Variants in SLC22A23 observed in about 807,000 individuals in gnomAD.
SLC22A23 encodes the protein solute carrier family 22 member 23.
A neutral mutation model predicts 61.0 loss-of-function variants in SLC22A23; 26 were observed. The observed-to-expected ratio is 0.43, with a 90% CI of 0.31 to 0.59. The LOEUF is 0.59. Among genes scored for constraint, SLC22A23 ranks in the 20% least tolerant of loss-of-function variants. The probability of loss-of-function intolerance (pLI) is 0.11; values close to 1 mark genes in which losing one functional copy is unlikely to be tolerated. For missense variants in SLC22A23, 796 were observed against 934.7 expected, an observed-to-expected ratio of 0.85 and a Z score of 1.94; for synonymous variants, 430 against 413.9, an observed-to-expected ratio of 1.04 and a Z score of -0.47.
At chr6:3,415,928 A>T in intron 1 of SLC22A23, 73 bp from the exon 2 acceptor site, 1 of 1,136,762 alleles carries the variant, frequency 8.8e-7, no homozygotes, top group Non-Finnish European at 1.3e-6. Flanking sequence ...TTATAAGGGC[A>T]ATACAATAAC....
chr6:3,441,052 C>T (rs1771560492), intron 1 of SLC22A23, among the ~76,000 whole-genome samples: 1 of 152,214 alleles, frequency 6.6e-6, no homozygotes, highest in African/African-American at 2.4e-5. Flanking sequence ...GAGGCAGGAG[C>T]ACTGGGCACT....
chr6:3,429,500 G>T (rs550779302), intron 1 of SLC22A23, among the ~76,000 whole-genome samples: 309 of 143,220 alleles, frequency 2.2e-3, no homozygotes, highest in Non-Finnish European at 3.6e-3. Context: ...AGCCCAAGCC[G>T]ATTAGGAAGT....
In SLC22A23 at chr6:3,322,160, G is replaced by A. The variant is rs1265796053; in HGVS notation, c.1082+1674C>T. ...TCTGACGTGAGTCAGCGGGGGTCAG[G>A]GGACCGCGGTTCTGTCCTCTATAGG... On this transcript the variant is annotated intron_variant, in intron 4 of 9. Coordinates refer to ENST00000406686, the MANE Select transcript of SLC22A23 (RefSeq NM_015482.2). This position sits in a 1 kb window ranked among gnomAD's most constrained non-coding sequence, Gnocchi z 4.1. 6.6e-6 allele frequency among the ~76,000 whole-genome samples: 1 copy of A among 152,102 alleles called. No individual in the cohort carries two copies.
At chr6:3,283,277 TA>T (rs1759647320) in intron 9 of SLC22A23, among the ~76,000 whole-genome samples, 1 of 152,042 alleles carries the variant, frequency 6.6e-6, no homozygotes, top group Non-Finnish European at 1.5e-5. Context: ...ACTAAAAATG[TA>T]AAAATTAGCC....
intron 4 of SLC22A23, among the ~76,000 whole-genome samples, chr6:3,302,381 C>T (rs1016548711): frequency 1.3e-5 from 2 of 152,120 alleles, no homozygotes; most frequent in African/African-American, 4.8e-5. Context: ...AAAAAACCAA[C>T]TTTTTGTTTC....
At chr6:3,384,612 A>G (rs922388085) in intron 3 of SLC22A23, among the ~76,000 whole-genome samples, 2 of 152,172 alleles carry the variant, frequency 1.3e-5, no homozygotes, top group African/African-American at 4.8e-5. Flanking sequence ...TGTTATTTCT[A>G]TTTTTAAAAA....
chr6:3,333,512 C>G lies in SLC22A23; in HGVS notation c.914-9510G>C, dbSNP rs1193104932. 6.6e-6 allele frequency among the ~76,000 whole-genome samples: 1 copy of G among 152,152 alleles called. No individual in the cohort carries two copies. Among genetic ancestry groups the G allele is most frequent in the Non-Finnish European group, 1.5e-5 (1 of 68,028 alleles). On this transcript the variant is annotated intron_variant, in intron 3 of 9. Transcript: ENST00000406686. This position sits in a 1 kb window ranked among gnomAD's most constrained non-coding sequence, Gnocchi z 4.1. Reference sequence around the variant, plus strand: ...CCACACTGGCCTCCCTGCTGCTCCTCTAACCCAGCAAGCACACCCCCCTTC... The same window carrying G: ...CCACACTGGCCTCCCTGCTGCTCCTGTAACCCAGCAAGCACACCCCCCTTC...
chr6:3,396,023 C>CA (rs1166343599), intron 3 of SLC22A23, among the ~76,000 whole-genome samples: 2 of 152,246 alleles, frequency 1.3e-5, no homozygotes, highest in East Asian at 3.9e-4. Flanking sequence ...TATTTCAAGT[C>CA]AAAAAAAGAT....
At chr6:3,417,448 T>C (rs918521781) in intron 1 of SLC22A23, among the ~76,000 whole-genome samples, 5 of 152,184 alleles carry the variant, frequency 3.3e-5, no homozygotes, top group African/African-American at 1.2e-4. Flanking sequence ...TTCATGAATT[T>C]GGGGAGAAGG....
In SLC22A23 at chr6:3,294,558, C is replaced by CGT. The variant is rs1334629832; in HGVS notation, c.1210+3531_1210+3532dup. ...GCCTGTGAAACTGAAGGCACAGTGC[C>CGT]GTGTGTGGCACTCATCCCGGGTCTC... is the stretch of plus-strand genomic sequence containing the variant. On this transcript the variant is annotated intron_variant, in intron 5 of 9. Transcript: ENST00000406686. 2.6e-5 allele frequency among the ~76,000 whole-genome samples: 4 copies of CGT among 152,334 alleles called. No homozygotes were observed. In the East Asian group the frequency reaches 7.7e-4, roughly 29 times the overall value.
chr6:3,429,078 G>A lies in SLC22A23; in HGVS notation c.655-13223C>T, dbSNP rs116552069. The stretch of plus-strand genomic sequence containing the variant: ...AGATGTTGCCATGTATATTTTGTTT[G>A]CCCTGCATGACCTAATATGTGAACA... On this transcript the variant is annotated intron_variant, in intron 1 of 9. Transcript: ENST00000406686. 7.7e-3 allele frequency among the ~76,000 whole-genome samples: 1,168 copies of A among 152,274 alleles called. 7 individuals are homozygous for A. Among genetic ancestry groups the A allele is most frequent in the Non-Finnish European group, 0.012 (840 of 68,010 alleles).
rs765124460 is a variant in SLC22A23 at position 3,298,093 on chromosome 6, G to A, written c.1208C>T (p.Pro403Leu). The A allele has an allele frequency of 7.1e-6, 11 of 1,555,308 alleles. No individual in the cohort carries two copies. The South Asian group carries it at 1.3e-4, about 19-fold the overall frequency. The change falls in exon 5 of 10, where the codon CCA (proline) becomes CTA (leucine). Residue 403 changes from proline to leucine, a missense_variant and splice_region_variant. Coordinates refer to ENST00000406686, the MANE Select transcript of SLC22A23 (RefSeq NM_015482.2). The stretch of plus-strand genomic sequence containing the variant: ...CTGCCAGCCCGCGGTGTGCTCACCT[G>A]GTATCACACCCTTGATGTCGCCCTC... Reference protein sequence around the residue: ...NPEGDIKGVIPELEKELSRRP... With the variant: ...NPEGDIKGVILELEKELSRRP...
At chr6:3,283,720 G>T (rs1196202829) in intron 9 of SLC22A23, 132 bp downstream of exon 9, 5 of 1,497,328 alleles carry the variant, frequency 3.3e-6, no homozygotes, top group Non-Finnish European at 3.6e-6. Flanking sequence ...CCTCAGCTAT[G>T]AACCACGAAG....
chr6:3,419,323 C>G (rs193220303), intron 1 of SLC22A23, among the ~76,000 whole-genome samples: 1 of 152,178 alleles, frequency 6.6e-6, no homozygotes, highest in East Asian at 1.9e-4. Flanking sequence ...ATGGGGCAGG[C>G]GCTCACTCAT....
intron 3 of SLC22A23, among the ~76,000 whole-genome samples, chr6:3,375,050 G>C (rs1160023488): frequency 6.6e-6 from 1 of 152,162 alleles, no homozygotes; most frequent in Non-Finnish European, 1.5e-5. Flanking sequence ...ATGGGAGTAA[G>C]GATGTCTTGG....
intron 3 of SLC22A23, among the ~76,000 whole-genome samples, chr6:3,347,108 T>C (rs1164949462): frequency 6.6e-6 from 1 of 152,188 alleles, no homozygotes; most frequent in Non-Finnish European, 1.5e-5. Context: ...GTTGCACACA[T>C]TTCCCCAAGT....
At position 3,284,787 on chromosome 6, in the gene SLC22A23, T is replaced by C. The variant is rs1394449120; in HGVS notation, c.1579+292A>G. 4 of 969,338 alleles carry C rather than the reference T, an allele frequency of 4.1e-6. No homozygotes were observed. In the African/African-American group the frequency reaches 6.5e-5, roughly 16 times the overall value. The allele number at this position is 969,338 out of a possible 1,614,324, so 60.0% of individuals were successfully genotyped here. On this transcript the variant is annotated intron_variant, in intron 8 of 9. Transcript: ENST00000406686. ...AGACAACTGTCCCTAAGACAAAGCATGTTGGCGCCGGGCCAGGGCCTGTGC... is the reference window on the plus strand; with the variant it reads ...AGACAACTGTCCCTAAGACAAAGCACGTTGGCGCCGGGCCAGGGCCTGTGC...
At chr6:3,290,075 G>A (rs1280916611) in intron 5 of SLC22A23, 23 of 588,302 alleles carry the variant, frequency 3.9e-5, no homozygotes, top group South Asian at 2.2e-4. Flanking sequence ...TTCAGGTTTC[G>A]CTCGGGTGCC....
intron 3 of SLC22A23, among the ~76,000 whole-genome samples, chr6:3,376,311 C>T (rs2127468934): frequency 6.6e-6 from 1 of 152,232 alleles, no homozygotes; most frequent in South Asian, 2.1e-4. Flanking sequence ...CAAAGGAAAC[C>T]AACTCTATAT....
Sources: allele counts gnomAD v4.1 joint callset (sites outside exome capture counted in the v4.1 genomes callset), GRCh38; gene constraint gnomAD v4.1.1; non-coding constraint Gnocchi (gnomAD v3.1); transcripts MANE v1.5; gene names NCBI Gene and HGNC (gene_info 2026-07-23, HGNC 2026-07-21).